HCRTR2: variants seen among roughly 807,000 people sequenced by gnomAD.
HCRTR2 encodes hypocretin receptor 2.
Under a neutral mutation model 49.0 loss-of-function variants are expected in HCRTR2, and 22 were observed. The ratio of observed to expected loss-of-function variants is 0.45; its 90% confidence interval spans 0.32 to 0.64. The LOEUF (loss-of-function observed/expected upper bound fraction) is 0.64. HCRTR2 is among the 30% of genes least tolerant of loss of function. HCRTR2 has a pLI of 0.04. For synonymous variants in HCRTR2, 236 were observed against 205.3 expected (o/e 1.15, Z -1.28); for missense variants, 491 against 559.4 (o/e 0.88, Z 1.23).
intron 1 of HCRTR2, among the ~76,000 whole-genome samples, chr6:55,151,826 C>T (rs553592464): frequency 6.6e-6 from 1 of 151,744 alleles, no homozygotes; most frequent in Non-Finnish European, 1.5e-5. Flanking sequence ...CAAAATGGCT[C>T]TTTGATCCAT....
chr6:55,221,553 C>T (rs755041702), intron 1 of HCRTR2, among the ~76,000 whole-genome samples: 43 of 152,140 alleles, frequency 2.8e-4, no homozygotes, highest in Admixed American at 7.2e-4. Context: ...GTGGCTCACG[C>T]CTGTAATCCC....
chr6:55,262,555 A>G (rs1766785343), intron 3 of HCRTR2, among the ~76,000 whole-genome samples: 1 of 132,800 alleles, frequency 7.5e-6, no homozygotes, highest in Non-Finnish European at 1.5e-5. Context: ...ATAACTTATT[A>G]TATATTATAT....
intron 5 of HCRTR2, 97 bp downstream of exon 5, chr6:55,277,697 A>G: frequency 1.1e-6 from 1 of 918,230 alleles, no homozygotes; most frequent in Non-Finnish European, 1.7e-6. Flanking sequence ...AGAAAAATCT[A>G]AACTTTCTGC....
At chr6:55,173,713 C>T (rs886311212), upstream of HCRTR2, among the ~76,000 whole-genome samples, 4 of 152,202 alleles carry the variant, frequency 2.6e-5, no homozygotes, top group African/African-American at 9.6e-5. Flanking sequence ...ATTTATGACA[C>T]TTGGCGTCCT....
upstream of HCRTR2, among the ~76,000 whole-genome samples, chr6:55,172,430 C>G (rs1266598757): frequency 1.3e-5 from 2 of 152,074 alleles, no homozygotes; most frequent in Non-Finnish European, 2.9e-5. Context: ...ATGGAAACAG[C>G]AACCTGTTTA....
intron 2 of HCRTR2, among the ~76,000 whole-genome samples, chr6:55,250,206 A>G (rs1562022028): frequency 2.0e-5 from 3 of 152,136 alleles, no homozygotes; most frequent in African/African-American, 7.2e-5. Flanking sequence ...GCTGAAAATC[A>G]TGAATGGATT....
At chr6:55,214,504 A>T (rs539667245) in intron 1 of HCRTR2, among the ~76,000 whole-genome samples, 1 of 151,576 alleles carries the variant, frequency 6.6e-6, no homozygotes, top group East Asian at 2.0e-4. Flanking sequence ...ATTAATTTTT[A>T]TTTTTTTATT....
In HCRTR2 at chr6:55,280,347, T is replaced by C. The variant is rs775874081; in HGVS notation, c.1008T>C (p.Thr336=). 1 of 1,610,416 alleles carries C rather than the reference T, an allele frequency of 6.2e-7. No homozygotes were observed. Among genetic ancestry groups the C allele is most frequent in the South Asian group, 1.1e-5 (1 of 91,002 alleles). The change falls in exon 6 of 7, where the codon ACT becomes ACC. Residue 336 remains threonine, a synonymous_variant. Transcript: ENST00000370862. ...GAGTATTTGGGATGTTTGCCCATAC[T>C]GAAGACAGAGAGACTGTGTATGCCT... The part of the protein sequence containing the change: ...LKRVFGMFAH[T]EDRETVYAWF...
At chr6:55,256,802 T>C (rs1766661743) in intron 3 of HCRTR2, among the ~76,000 whole-genome samples, 1 of 152,140 alleles carries the variant, frequency 6.6e-6, no homozygotes, top group South Asian at 2.1e-4. Context: ...TTAGTATATG[T>C]CAGGCATTGT....
chr6:55,125,879 G>C (rs1764268198), intron 1 of HCRTR2, among the ~76,000 whole-genome samples: 1 of 151,286 alleles, frequency 6.6e-6, no homozygotes, highest in Non-Finnish European at 1.5e-5. Context: ...TTCAATCAAT[G>C]GTACCCTTTC....
At chr6:55,170,551 C>T (rs949490090), upstream of HCRTR2, among the ~76,000 whole-genome samples, 3 of 151,674 alleles carry the variant, frequency 2.0e-5, no homozygotes, top group African/African-American at 7.3e-5. Context: ...ATAATATTTG[C>T]AGTAGGATAT....
At chr6:55,235,894 C>T (rs931860091) in intron 1 of HCRTR2, among the ~76,000 whole-genome samples, 1 of 151,914 alleles carries the variant, frequency 6.6e-6, no homozygotes, top group Non-Finnish European at 1.5e-5. Context: ...CAGTACTATA[C>T]TGTTTTGTTT....
chr6:55,234,826 T>C (rs1766184059), intron 1 of HCRTR2, among the ~76,000 whole-genome samples: 1 of 152,172 alleles, frequency 6.6e-6, no homozygotes, highest in Admixed American at 6.5e-5. Flanking sequence ...TACTCTATGA[T>C]AGCAATTTCA....
chr6:55,222,772 C>G (rs566595778), intron 1 of HCRTR2, among the ~76,000 whole-genome samples: 1 of 152,112 alleles, frequency 6.6e-6, no homozygotes, highest in East Asian at 1.9e-4. Context: ...GCTGCCAGGT[C>G]CTGGGAGTAA....
chr6:55,284,605 C>T (rs1767252067), downstream of HCRTR2, among the ~76,000 whole-genome samples: 1 of 152,096 alleles, frequency 6.6e-6, no homozygotes, highest in South Asian at 2.1e-4. Context: ...CTACCGTCAA[C>T]GTGGTTGGAT....
chr6:55,122,841 G>A (rs9475154), intron 1 of HCRTR2, among the ~76,000 whole-genome samples: 37,194 of 151,328 alleles, frequency 0.25, 4,971 homozygotes, highest in African/African-American at 0.33. Flanking sequence ...GCTGGAAACC[G>A]TCATTCTCAG....
At chr6:55,254,549 C>T (rs1435017593) in intron 2 of HCRTR2, among the ~76,000 whole-genome samples, 1 of 152,062 alleles carries the variant, frequency 6.6e-6, no homozygotes, top group Non-Finnish European at 1.5e-5. Context: ...ACAAAATTCT[C>T]TTTTAATATG....
chr6:55,283,545 A>G (rs1328996062), downstream of HCRTR2, among the ~76,000 whole-genome samples: 12 of 152,178 alleles, frequency 7.9e-5, no homozygotes, highest in South Asian at 2.1e-4. Flanking sequence ...TCACACATAC[A>G]TGAATAGACT....
At chr6:55,130,373 T>G (rs1350617783) in intron 1 of HCRTR2, among the ~76,000 whole-genome samples, 4 of 148,742 alleles carry the variant, frequency 2.7e-5, no homozygotes, top group African/African-American at 1.0e-4. Flanking sequence ...GGTAACCTTT[T>G]TTTTGTTGTT....
Sources: gnomAD v4.1 joint callset for allele counts (sites outside exome capture counted in the v4.1 genomes callset) on GRCh38, gnomAD v4.1.1 for gene constraint, MANE v1.5 for transcripts, NCBI Gene and HGNC (gene_info 2026-07-23, HGNC 2026-07-21) for gene names.